Variants in NPAS1 observed in about 807,000 individuals in gnomAD.
NPAS1 encodes neuronal PAS domain-containing protein 1.
In NPAS1, 29 loss-of-function variants were observed where a neutral mutation model predicts 49.2. That is an observed-to-expected ratio of 0.59 (90% CI 0.44 to 0.80). The LOEUF (loss-of-function observed/expected upper bound fraction) is 0.80. NPAS1 is among the 30% of genes least tolerant of loss of function. The pLI is 0.00. For missense variants in NPAS1, 825 were observed against 835.5 expected, an observed-to-expected ratio of 0.99 and a Z score of 0.15; for synonymous variants, 408 against 380.4, an observed-to-expected ratio of 1.07 and a Z score of -0.84.
chr19:47,036,587 AAAG>A (rs2056958760), intron 6 of NPAS1, among the ~76,000 whole-genome samples: 1 of 152,008 alleles, frequency 6.6e-6, no homozygotes, highest in African/African-American at 2.4e-5. Context: ...AAATTACAAA[AAAG>A]GCCAGGAGTG....
intron 8 of NPAS1, among the ~76,000 whole-genome samples, chr19:47,039,884 T>G (rs2057000664): frequency 7.1e-6 from 1 of 140,588 alleles, no homozygotes; most frequent in Non-Finnish European, 1.6e-5. Flanking sequence ...TCTCATCCAT[T>G]TCCTCTCCTG....
intron 3 of NPAS1, among the ~76,000 whole-genome samples, chr19:47,028,194 A>G (rs1408590448): frequency 1.3e-5 from 2 of 152,128 alleles, no homozygotes; most frequent in African/African-American, 4.8e-5. Flanking sequence ...ATTAGCAAAA[A>G]TGACAGGGGA....
intron 11 of NPAS1, among the ~76,000 whole-genome samples, chr19:47,044,225 C>T (rs150190732): frequency 1.2e-3 from 178 of 152,280 alleles, no homozygotes; most frequent in African/African-American, 3.9e-3. Flanking sequence ...AGGCACCTAC[C>T]ACCATGCCTG....
chr19:47,041,979 CAA>C lies in NPAS1; in HGVS notation c.1218-804_1218-803del, dbSNP rs369320245. On this transcript the variant is annotated intron_variant, in intron 10 of 11. Transcript: ENST00000602212. ...TGGGCGACAGAGTGAGACCCTGTCT[CAA>C]AAAAAAAAAAAAAAAAAAAAAAAAA... Among the ~76,000 whole-genome samples, 604 of 95,962 alleles carry C rather than the reference CAA, an allele frequency of 6.3e-3. 1 individual carries two copies. The highest frequency in any genetic ancestry group is 0.028 in the African/African-American group (564 of 20,400). 63.0% of individuals were successfully genotyped at this position (95,962 alleles called of 152,430 possible). A position where few individuals can be genotyped will look rare whatever the true frequency, so the allele number is the denominator to read the frequency against.
At chr19:47,032,794 A>G in intron 5 of NPAS1, 62 bp downstream of exon 5, 1 of 1,180,042 alleles carries the variant, frequency 8.5e-7, no homozygotes, top group South Asian at 1.2e-5. Flanking sequence ...AGGCCTATGC[A>G]TATCCTTCCT....
rs1027863922 is a variant in NPAS1, at chr19:47,035,068, C to A, written c.523-896C>A. Among the ~76,000 whole-genome samples, 3 of 151,852 alleles carry A rather than the reference C, an allele frequency of 2.0e-5. 1 individual carries two copies. Among genetic ancestry groups the A allele is most frequent in the African/African-American group, 7.3e-5 (3 of 41,272 alleles). On this transcript the variant is annotated intron_variant, in intron 5 of 11. Coordinates refer to ENST00000602212, the MANE Select transcript of NPAS1 (RefSeq NM_002517.4). ...TGTTGGCACATGCCTGTAATCCCAG[C>A]TTCTTGGGAGGCCGAGGCGGGAGAA... is the stretch of plus-strand genomic sequence containing the variant.
chr19:47,028,500 C>G (rs1482363033), intron 3 of NPAS1, among the ~76,000 whole-genome samples: 1 of 152,120 alleles, frequency 6.6e-6, no homozygotes, highest in Non-Finnish European at 1.5e-5. Flanking sequence ...ATAGTAATCA[C>G]ACTATTAATA....
chr19:47,042,930 C>A, intron 11 of NPAS1, 26 bp downstream of exon 11: 2 of 1,522,210 alleles, frequency 1.3e-6, no homozygotes, highest in South Asian at 1.3e-5. Context: ...CACCTTGGCC[C>A]CTGGGAAGCT....
intron 3 of NPAS1, among the ~76,000 whole-genome samples, chr19:47,028,248 C>G (rs921106782): frequency 6.6e-6 from 1 of 152,084 alleles, no homozygotes; most frequent in Non-Finnish European, 1.5e-5. Context: ...GCCTGTCACC[C>G]GGCTGGTTCC....
intron 5 of NPAS1, among the ~76,000 whole-genome samples, chr19:47,034,333 A>AG (rs398034847): frequency 5.3e-5 from 8 of 149,968 alleles, no homozygotes; most frequent in Non-Finnish European, 8.9e-5. Flanking sequence ...AAAAAAAAAA[A>AG]GGGCAGGAAG....
At chr19:47,032,450 T>G in intron 4 of NPAS1, 99 bp downstream of exon 4, 1 of 1,338,610 alleles carries the variant, frequency 7.5e-7, no homozygotes, top group Non-Finnish European at 1.1e-6. Flanking sequence ...TTGTGGGGGG[T>G]ACCTGGACTG....
Position 47,021,287 on chromosome 19 carries a change from G to A in NPAS1, c.122+118G>A. ...CCAGCTCCCTGACCCGCCCCTTAGG[G>A]CTAGAAGGTCTTACCTTGAGTTAAC... On this transcript the variant is annotated intron_variant, in intron 2 of 11. Coordinates refer to ENST00000602212, the MANE Select transcript of NPAS1 (RefSeq NM_002517.4). The surrounding 1 kb of genome is among the most constrained non-coding windows in gnomAD (Gnocchi z 5.7). 2.2e-6 allele frequency: 2 copies of A among 924,358 alleles called. No homozygotes were observed. Among genetic ancestry groups the A allele is most frequent in the Non-Finnish European group, 3.1e-6 (2 of 637,964 alleles). The allele number at this position is 924,358 out of a possible 1,614,324, so 57.3% of individuals were successfully genotyped here. A position where few individuals can be genotyped will look rare whatever the true frequency, so the allele number is the denominator to read the frequency against.
chr19:47,023,160 C>G (rs1369980433), intron 3 of NPAS1, among the ~76,000 whole-genome samples: 1 of 152,224 alleles, frequency 6.6e-6, no homozygotes, highest in Non-Finnish European at 1.5e-5. Context: ...GGCGAATTGA[C>G]TGGCGCGGAG....
rs543498553 is a variant in NPAS1, at chr19:47,021,806, C to G, written c.317C>G (p.Pro106Arg). 1 of 1,526,886 alleles carries G rather than the reference C, an allele frequency of 6.5e-7. No individual in the cohort carries two copies. Among genetic ancestry groups the G allele is most frequent in the East Asian group, 2.6e-5 (1 of 38,852 alleles). The allele number at this position is 1,526,886 out of a possible 1,614,324, so 94.6% of individuals were successfully genotyped here. Reference protein sequence around the residue: ...RLRRFAALGAPPWGLRAAGPP... With the variant: ...RLRRFAALGARPWGLRAAGPP... Reference sequence around the variant, plus strand: ...CGCCGGTTCGCCGCGCTGGGGGCGCCGCCCTGGGGGCTGAGAGCCGCGGGG... The same window carrying G: ...CGCCGGTTCGCCGCGCTGGGGGCGCGGCCCTGGGGGCTGAGAGCCGCGGGG... Residue 106 changes from proline to arginine, a missense_variant, in exon 3 of 12, where the codon CCG (proline) becomes CGG (arginine). Physicochemically the swap from Pro to Arg is moderately radical, Grantham distance 103 (BLOSUM62 -2). Coordinates refer to ENST00000602212, the MANE Select transcript of NPAS1 (RefSeq NM_002517.4). This position sits in a 1 kb window ranked among gnomAD's most constrained non-coding sequence, Gnocchi z 5.7.
At chr19:47,020,758 G>T (rs954385509) in intron 1 of NPAS1, 1 of 210,212 alleles carries the variant, frequency 4.8e-6, no homozygotes, top group South Asian at 1.6e-4. Context: ...GGCCCGGCGC[G>T]GGCGTGAGGC....
rs1216264478 is a variant in NPAS1, at chr19:47,021,588, ACCT to A, written c.123-18_123-16del. The A allele has an allele frequency of 2.1e-6, 3 of 1,432,084 alleles. No homozygotes were observed. Among genetic ancestry groups the A allele is most frequent in the South Asian group, 2.8e-5 (2 of 70,860 alleles). 88.7% of individuals were successfully genotyped at this position (1,432,084 alleles called of 1,614,324 possible). On this transcript the variant is annotated intron_variant, in intron 2 of 11. Transcript: ENST00000602212. The surrounding 1 kb of genome is among the most constrained non-coding windows in gnomAD (Gnocchi z 5.7). ...CCCTGAGCCCCGGGGCCCCGCCGACACCTCCTCCGCGCCGCCCGCCCAGCCTGC... is the reference window on the plus strand; with the variant it reads ...CCCTGAGCCCCGGGGCCCCGCCGACACCTCCGCGCCGCCCGCCCAGCCTGC...
At position 47,021,932 on chromosome 19, in the gene NPAS1, C is replaced by T. The variant is rs183649839; in HGVS notation, c.358+85C>T. On this transcript the variant is annotated intron_variant, in intron 3 of 11. Coordinates refer to ENST00000602212, the MANE Select transcript of NPAS1 (RefSeq NM_002517.4). This position sits in a 1 kb window ranked among gnomAD's most constrained non-coding sequence, Gnocchi z 5.7. ...CAGATCCGGGCTGCGGGCCTGCCCTCGCCCAGATGCTTGTCTCTGGAGTCA... is the reference window on the plus strand; with the variant it reads ...CAGATCCGGGCTGCGGGCCTGCCCTTGCCCAGATGCTTGTCTCTGGAGTCA... The T allele has an allele frequency of 5.8e-6, 5 of 860,164 alleles. No individual in the cohort carries two copies. The African/African-American group carries it at 7.2e-5, about 12-fold the overall frequency. 53.3% of individuals were successfully genotyped at this position (860,164 alleles called of 1,614,324 possible).
chr19:47,037,341 A>C (rs2056967692), intron 6 of NPAS1, among the ~76,000 whole-genome samples: 1 of 79,014 alleles, frequency 1.3e-5, no homozygotes, highest in African/African-American at 4.8e-5. Flanking sequence ...CCGTCTCCAA[A>C]AAAAAAAAAA....
chr19:47,023,628 ACT>A (rs1375015498), intron 3 of NPAS1, among the ~76,000 whole-genome samples: 5 of 151,950 alleles, frequency 3.3e-5, no homozygotes, highest in Non-Finnish European at 7.4e-5. Context: ...TGTCAGTCAC[ACT>A]CTCTGAAGGG....
Sources: gnomAD v4.1 joint callset for allele counts (sites outside exome capture counted in the v4.1 genomes callset) on GRCh38, gnomAD v4.1.1 for gene constraint, Gnocchi (gnomAD v3.1) non-coding constraint, MANE v1.5 for transcripts, NCBI Gene and HGNC (gene_info 2026-07-23, HGNC 2026-07-21) for gene names.